FYN: variants seen among roughly 807,000 people sequenced by gnomAD.
FYN encodes the protein tyrosine-protein kinase Fyn.
FYN carries 10 observed loss-of-function variants against 70.2 expected under a neutral mutation model. The observed-to-expected ratio is 0.14, with a 90% CI of 0.09 to 0.24. The LOEUF is 0.24. Ranked by LOEUF, FYN falls within the 10% of genes least tolerant of loss-of-function variation. FYN has a pLI of 1.00. For missense variants in FYN, 319 were observed against 673.1 expected (o/e 0.47, Z 5.82); for synonymous variants, 236 against 248.6 (o/e 0.95, Z 0.48).
chr6:111,709,253 ATG>A (rs1800254557), intron 5 of FYN, among the ~76,000 whole-genome samples: 1 of 152,206 alleles, frequency 6.6e-6, no homozygotes, highest in South Asian at 2.1e-4. Context: ...GAAAAAAAAA[ATG>A]TGTTAGCTTC....
intron 1 of FYN, among the ~76,000 whole-genome samples, chr6:111,860,161 CTT>C (rs972317865): frequency 1.3e-5 from 2 of 152,142 alleles, no homozygotes; most frequent in African/African-American, 4.8e-5. Context: ...AAAATGTTCT[CTT>C]GTGTTAAGCC....
chr6:111,867,467 A>G lies in FYN; in HGVS notation c.-123+5501T>C, dbSNP rs1272549540. On this transcript the variant is annotated intron_variant, in intron 1 of 13. Coordinates refer to ENST00000354650, the MANE Select transcript of FYN (RefSeq NM_002037.5). ...CGAAACTCCGTCTCGGGAAAAAAAA[A>G]AAAAAAAAAAAAAAAGACCTAGTCC... 4.4e-5 allele frequency among the ~76,000 whole-genome samples: 6 copies of G among 136,054 alleles called. No individual in the cohort carries two copies. In the East Asian group the frequency reaches 7.8e-4, roughly 18 times the overall value. 89.3% of individuals were successfully genotyped at this position (136,054 alleles called of 152,430 possible). A position where few individuals can be genotyped will look rare whatever the true frequency, so the allele number is the denominator to read the frequency against.
intron 1 of FYN, 60 bp from the exon 2 acceptor site, chr6:111,846,689 C>T (rs1773538943): frequency 2.5e-6 from 1 of 398,654 alleles, no homozygotes. Context: ...TCTCTGCCTA[C>T]AAACCACCCA....
chr6:111,756,157 GAACAT>G (rs1181317063), intron 3 of FYN, among the ~76,000 whole-genome samples: 1 of 151,918 alleles, frequency 6.6e-6, no homozygotes, highest in African/African-American at 2.4e-5. Context: ...ATGAATGAGA[GAACAT>G]AACTACAGAT....
rs1450161598 is a variant in FYN at position 111,754,294 on chromosome 6, T to G, written c.-12+26272A>C. ...GAAGAATCATTTGGGTGAGGGGTAC[T>G]GTGCCCATGACCCACAGCCAACTCC... On this transcript the variant is annotated intron_variant, in intron 3 of 13. Transcript: ENST00000354650. 2.0e-5 allele frequency: 3 copies of G among 152,210 alleles called. No homozygotes were observed. In the East Asian group the frequency reaches 5.8e-4, roughly 29 times the overall value. The allele number at this position is 152,210 out of a possible 1,614,324, so 9.4% of individuals were successfully genotyped here.
At chr6:111,762,611 G>C (rs1226623564) in intron 3 of FYN, among the ~76,000 whole-genome samples, 1 of 152,048 alleles carries the variant, frequency 6.6e-6, no homozygotes, top group Non-Finnish European at 1.5e-5. Context: ...GCCCTAAAAG[G>C]AAATCAAAGT....
At chr6:111,840,839 A>G (rs547888549) in intron 2 of FYN, among the ~76,000 whole-genome samples, 5 of 152,258 alleles carry the variant, frequency 3.3e-5, no homozygotes, top group African/African-American at 2.4e-5. Flanking sequence ...TCAGCAGATA[A>G]TAAGTCTATG....
At chr6:111,762,374 C>A (rs775321274) in intron 3 of FYN, among the ~76,000 whole-genome samples, 102 of 152,236 alleles carry the variant, frequency 6.7e-4, no homozygotes, top group Admixed American at 4.1e-3. Flanking sequence ...AGTGGACCCT[C>A]CTCTTGACCA....
chr6:111,855,535 T>C (rs537652925), intron 1 of FYN, among the ~76,000 whole-genome samples: 2 of 152,284 alleles, frequency 1.3e-5, no homozygotes, highest in Admixed American at 1.3e-4. Context: ...ATTAGAAATA[T>C]CCCAAACTTT....
intron 2 of FYN, among the ~76,000 whole-genome samples, chr6:111,837,935 T>C (rs145003336): frequency 6.6e-6 from 1 of 152,302 alleles, no homozygotes; most frequent in African/African-American, 2.4e-5. Context: ...CCACGCAGCA[T>C]CTCACTTTCT....
At chr6:111,702,799 T>C in intron 8 of FYN, 86 bp downstream of exon 8, 2 of 1,333,948 alleles carry the variant, frequency 1.5e-6, no homozygotes, top group Non-Finnish European at 2.1e-6. Flanking sequence ...TACATATTAG[T>C]TTTACCCCTT....
chr6:111,697,644 T>C (rs1338064772), intron 9 of FYN, among the ~76,000 whole-genome samples: 1 of 152,226 alleles, frequency 6.6e-6, no homozygotes, highest in Non-Finnish European at 1.5e-5. Flanking sequence ...AATTTATAAG[T>C]GATCTTTGCT....
At chr6:111,836,182 T>C (rs966604348) in intron 2 of FYN, among the ~76,000 whole-genome samples, 6 of 152,160 alleles carry the variant, frequency 3.9e-5, no homozygotes, top group African/African-American at 7.2e-5. Context: ...GAAAACACAG[T>C]AGGCCTTCAG....
intron 12 of FYN, among the ~76,000 whole-genome samples, chr6:111,677,300 C>A (rs1413600279): frequency 6.6e-6 from 1 of 152,150 alleles, no homozygotes; most frequent in South Asian, 2.1e-4. Context: ...TCAAGGAAGA[C>A]AAAAGGTTAA....
intron 1 of FYN, among the ~76,000 whole-genome samples, chr6:111,865,594 T>C (rs1279495188): frequency 6.6e-6 from 1 of 152,240 alleles, no homozygotes; most frequent in East Asian, 1.9e-4. Flanking sequence ...TTCAGGCTTC[T>C]CATGTGTTTT....
intron 6 of FYN, among the ~76,000 whole-genome samples, chr6:111,705,826 G>T (rs530699183): frequency 2.3e-4 from 35 of 152,196 alleles, no homozygotes; most frequent in Admixed American, 2.1e-3. Flanking sequence ...TCTAGCCTGG[G>T]GACAGAGTGA....
At chr6:111,860,945 C>T (rs1018200752) in intron 1 of FYN, among the ~76,000 whole-genome samples, 12 of 152,146 alleles carry the variant, frequency 7.9e-5, no homozygotes, top group African/African-American at 2.4e-4. Context: ...TTGGCCCTAA[C>T]GGAGAGGCAA....
rs77002432 is a variant in FYN at position 111,734,502 on chromosome 6, G to A, written c.-11-14440C>T. Among the ~76,000 whole-genome samples the A allele has an allele frequency of 8.0e-3, 1,222 of 152,216 alleles. 14 individuals are homozygous for A. Among genetic ancestry groups the A allele is most frequent in the African/African-American group, 0.028 (1,147 of 41,518 alleles). On this transcript the variant is annotated intron_variant, in intron 3 of 13. Coordinates refer to ENST00000354650, the MANE Select transcript of FYN (RefSeq NM_002037.5). ...CTCCACTTTCCTTTGTTGCTAAAAT[G>A]AAGAACAACTTATGATCTGGCTCAA... is the stretch of plus-strand genomic sequence containing the variant.
chr6:111,733,522 AAGC>A (rs1801562102), intron 3 of FYN, among the ~76,000 whole-genome samples: 1 of 152,232 alleles, frequency 6.6e-6, no homozygotes, highest in African/African-American at 2.4e-5. Context: ...GAAGGTCTGT[AAGC>A]AGTGCATTAG....
Sources: gnomAD v4.1 joint callset for allele counts (sites outside exome capture counted in the v4.1 genomes callset) on GRCh38, gnomAD v4.1.1 for gene constraint, MANE v1.5 for transcripts, NCBI Gene and HGNC (gene_info 2026-07-23, HGNC 2026-07-21) for gene names.